The following FAT3 variants were observed in gnomAD, a reference collection of about 807,000 sequenced individuals.
FAT3 encodes protocadherin Fat 3.
FAT3 carries 95 observed loss-of-function variants against 310.2 expected under a neutral mutation model. The ratio of observed to expected loss-of-function variants is 0.31; its 90% CI spans 0.26 to 0.36. The LOEUF (loss-of-function observed/expected upper bound fraction) is 0.36. Among genes scored for constraint, FAT3 ranks in the 10% least tolerant of loss-of-function variants. The pLI, the probability that FAT3 is intolerant of heterozygous loss-of-function variation, is 1.00. For missense variants in FAT3, 5,408 were observed against 5,715.6 expected (o/e 0.95, Z 1.74); for synonymous variants, 2,314 against 2,192.9 (o/e 1.06, Z -1.54).
At position 92,810,040 on chromosome 11, in the gene FAT3, C is replaced by A. The variant is rs373857414; in HGVS notation, c.9445C>A (p.Leu3149Met). ...CTATGAGAACACAGCCACCAAGGCT[C>A]TGTTGACCAGAGTTCAAGCCGTGGA... ...CVYENTATKA[L>M]LTRVQAVDPD... The change falls in exon 13 of 28, where the codon CTG (leucine) becomes ATG (methionine). Residue 3149 changes from leucine (L) to methionine (M), a missense_variant. By Grantham distance (15) the Leu-to-Met change is conservative. Coordinates refer to ENST00000525166, the MANE Select transcript of FAT3 (RefSeq NM_001367949.2). 1.9e-6 allele frequency: 3 copies of A among 1,613,824 alleles called. No individual in the cohort carries two copies. The highest frequency in any genetic ancestry group is 2.7e-5 in the African/African-American group (2 of 74,948).
intron 1 of FAT3, among the ~76,000 whole-genome samples, chr11:92,277,963 A>G (rs1279840040): frequency 1.3e-5 from 2 of 152,072 alleles, no homozygotes; most frequent in African/African-American, 4.8e-5. Flanking sequence ...ACAAGCCTGT[A>G]TTCCCAGCTC....
At chr11:92,265,359 C>G (rs1185566428) in intron 1 of FAT3, among the ~76,000 whole-genome samples, 1 of 152,008 alleles carries the variant, frequency 6.6e-6, no homozygotes, top group Non-Finnish European at 1.5e-5. Flanking sequence ...TCAGTATTGA[C>G]TGCGTTCCAA....
intron 2 of FAT3, among the ~76,000 whole-genome samples, chr11:92,379,002 T>C (rs1397304870): frequency 6.6e-6 from 1 of 152,172 alleles, no homozygotes; most frequent in African/African-American, 2.4e-5. Flanking sequence ...GAATTCAACA[T>C]AGGAAATTTG....
chr11:92,640,636 T>C (rs1941923788), intron 3 of FAT3, among the ~76,000 whole-genome samples: 2 of 152,228 alleles, frequency 1.3e-5, no homozygotes, highest in South Asian at 4.1e-4. Context: ...CCTTTAAATA[T>C]TGAGCACACT....
At chr11:92,562,418 T>G (rs1955261015) in intron 3 of FAT3, among the ~76,000 whole-genome samples, 1 of 152,142 alleles carries the variant, frequency 6.6e-6, no homozygotes, top group African/African-American at 2.4e-5. Context: ...TCCCAGTTAC[T>G]CTGATGTAAA....
At chr11:92,269,268 A>G (rs1946055731) in intron 1 of FAT3, among the ~76,000 whole-genome samples, 1 of 152,122 alleles carries the variant, frequency 6.6e-6, no homozygotes, top group African/African-American at 2.4e-5. Flanking sequence ...TGAGCTAGAA[A>G]CATTCTTTCG....
chr11:92,531,574 T>TTCTGGGGGAATAATCGTGTTGC (rs1466907163), intron 3 of FAT3, among the ~76,000 whole-genome samples: 6 of 152,138 alleles, frequency 3.9e-5, no homozygotes, highest in African/African-American at 1.4e-4. Flanking sequence ...CTACAGTTCA[T>TTCTGGGGGAATAATCGTGTTGC]TCTGGGGGAA....
intron 2 of FAT3, among the ~76,000 whole-genome samples, chr11:92,491,222 G>A (rs1952589534): frequency 6.6e-6 from 1 of 152,026 alleles, no homozygotes; most frequent in Non-Finnish European, 1.5e-5. Context: ...GTGACTCTCA[G>A]CTGGTGCCAA....
chr11:92,678,404 C>T (rs753435562), intron 3 of FAT3, among the ~76,000 whole-genome samples: 3 of 152,120 alleles, frequency 2.0e-5, no homozygotes, highest in East Asian at 1.9e-4. Context: ...CAGTGTGAAT[C>T]GGCCTTAGGC....
rs570106862 is a variant in FAT3 at position 92,711,542 on chromosome 11, T to A, written c.3669+14097T>A. Among the ~76,000 whole-genome samples the A allele has an allele frequency of 2.0e-5, 3 of 152,326 alleles. No individual in the cohort carries two copies. In the East Asian group the frequency reaches 5.8e-4, roughly 29 times the overall value. ...AGGAAAGACTCTGGACATCATCTAATGTAATTTGGCAGATTATTTCCAATA... is the reference window on the plus strand; with the variant it reads ...AGGAAAGACTCTGGACATCATCTAAAGTAATTTGGCAGATTATTTCCAATA... On this transcript the variant is annotated intron_variant, in intron 4 of 27. Coordinates refer to ENST00000525166, the MANE Select transcript of FAT3 (RefSeq NM_001367949.2).
At chr11:92,281,361 T>C (rs1946416415) in intron 1 of FAT3, among the ~76,000 whole-genome samples, 2 of 152,320 alleles carry the variant, frequency 1.3e-5, no homozygotes, top group South Asian at 2.1e-4. Flanking sequence ...ATTTTGCAAG[T>C]TTCTACAAGT....
Position 92,380,771 on chromosome 11 carries a change from C to G in FAT3, c.3292+25367C>G, listed in dbSNP as rs1037529114. On this transcript the variant is annotated intron_variant, in intron 2 of 27. Coordinates refer to ENST00000525166, the MANE Select transcript of FAT3 (RefSeq NM_001367949.2). ...GGAATATAGACTCCCATTTTTCACC[C>G]TTATACCCTCAGTTAACTTCTCTAT... Among the ~76,000 whole-genome samples, 2 of 152,158 alleles carry G rather than the reference C, an allele frequency of 1.3e-5. 1 individual carries two copies. The highest frequency in any genetic ancestry group is 4.1e-4 in the South Asian group (2 of 4,826).
At chr11:92,832,766 C>T (rs959439579) in intron 14 of FAT3, among the ~76,000 whole-genome samples, 9 of 152,224 alleles carry the variant, frequency 5.9e-5, no homozygotes, top group African/African-American at 9.6e-5. Context: ...GATGAGCCTC[C>T]GTGTGCAACT....
At chr11:92,677,091 G>C (rs1383224025) in intron 3 of FAT3, among the ~76,000 whole-genome samples, 1 of 152,194 alleles carries the variant, frequency 6.6e-6, no homozygotes, top group African/African-American at 2.4e-5. Context: ...CGAGATACTG[G>C]GTCACAGAGT....
chr11:92,854,044 G>A (rs771696559), intron 19 of FAT3, among the ~76,000 whole-genome samples: 17 of 152,078 alleles, frequency 1.1e-4, no homozygotes, highest in African/African-American at 4.8e-5. Context: ...TCTGAAGGGC[G>A]CCTGCAGGCT....
chr11:92,260,295 AC>A (rs367780836), intron 1 of FAT3, among the ~76,000 whole-genome samples: 2 of 151,900 alleles, frequency 1.3e-5, no homozygotes, highest in African/African-American at 4.8e-5. Flanking sequence ...GTATGATTGA[AC>A]CCAAACTCGT....
intron 2 of FAT3, among the ~76,000 whole-genome samples, chr11:92,450,815 T>C (rs1951335647): frequency 6.6e-6 from 1 of 152,224 alleles, no homozygotes; most frequent in Non-Finnish European, 1.5e-5. Context: ...ATTAACTAGA[T>C]GAATTTGCAT....
chr11:92,777,256 C>T (rs959343300), intron 7 of FAT3, among the ~76,000 whole-genome samples: 1 of 152,126 alleles, frequency 6.6e-6, no homozygotes, highest in Non-Finnish European at 1.5e-5. Context: ...TTCAAGTCAT[C>T]CATAAACAAC....
At chr11:92,417,307 A>G (rs775599030) in intron 2 of FAT3, among the ~76,000 whole-genome samples, 32 of 152,330 alleles carry the variant, frequency 2.1e-4, no homozygotes, top group Non-Finnish European at 2.8e-4. Flanking sequence ...CAGGGAATCT[A>G]TTTTAAATTG....
Sources: gnomAD v4.1 joint callset for allele counts (sites outside exome capture counted in the v4.1 genomes callset) on GRCh38, gnomAD v4.1.1 for gene constraint, MANE v1.5 for transcripts, NCBI Gene and HGNC (gene_info 2026-07-23, HGNC 2026-07-21) for gene names.